Variants in CAD observed in about 807,000 individuals in gnomAD.
The protein encoded by CAD is multifunctional protein CAD.
A neutral mutation model predicts 237.2 loss-of-function variants in CAD; 81 were observed. The observed-to-expected ratio is 0.34, with a 90% CI of 0.29 to 0.41. CAD has a LOEUF of 0.41. CAD is among the 10% of genes least tolerant of loss of function. CAD has a pLI of 1.00. For synonymous variants in CAD, 1,196 were observed against 1,162.8 expected, an observed-to-expected ratio of 1.03 and a Z score of -0.58; for missense variants, 2,181 against 2,951.7, an observed-to-expected ratio of 0.74 and a Z score of 6.05.
In CAD at chr2:27,231,558, C is replaced by T. The variant is rs1675757527; in HGVS notation, c.2378C>T (p.Thr793Ile). The T allele has an allele frequency of 1.3e-5, 21 of 1,611,782 alleles. No homozygotes were observed. Among genetic ancestry groups the T allele is most frequent in the Admixed American group, 1.7e-5 (1 of 59,990 alleles). ...VDENCVGFDH[T>I]VKPVSDMELE... is the part of the protein sequence containing the mutation. ...GAGAACTGTGTGGGCTTTGATCACA[C>T]AGTGAAACCAGTCAGCGATATGGTA... The change falls in exon 16 of 44, where the codon ACA (threonine) becomes ATA (isoleucine). Residue 793 changes from threonine (T) to isoleucine (I), a missense_variant. Around this residue, in one of 12 missense-constraint regions of CAD, gnomAD observed 385 missense variants for 535.1 expected, o/e 0.72. Transcript: ENST00000264705.
rs768193579 is a variant in CAD at position 27,239,499 on chromosome 2, A to G, written c.5394+28A>G. ...ACGCAAGTAGCCCCTGCCTGATCTC[A>G]GTAGTGCCCTCTTCTGCACCACGTT... On this transcript the variant is annotated intron_variant, in intron 33 of 43. Coordinates refer to ENST00000264705, the MANE Select transcript of CAD (RefSeq NM_004341.5). The surrounding 1 kb of genome is among the most constrained non-coding windows in gnomAD (Gnocchi z 4.0). 2 of 1,608,454 alleles carry G rather than the reference A, an allele frequency of 1.2e-6. No homozygotes were observed. The highest frequency in any genetic ancestry group is 1.7e-6 in the Non-Finnish European group (2 of 1,176,174).
Position 27,235,379 on chromosome 2 carries a change from C to CT in CAD, c.3924dup (p.Lys1309Ter). The CT allele has an allele frequency of 6.2e-7, 1 of 1,613,600 alleles. No homozygotes were observed. Among genetic ancestry groups the CT allele is most frequent in the Non-Finnish European group, 8.5e-7 (1 of 1,179,748 alleles). On this transcript the variant is annotated frameshift_variant, in exon 24 of 44. Coordinates refer to ENST00000264705, the MANE Select transcript of CAD (RefSeq NM_004341.5). LOFTEE classifies it high-confidence loss of function. The surrounding 1 kb of genome is among the most constrained non-coding windows in gnomAD (Gnocchi z 5.2). ...ACCTCAAGGCCATGCTAAGCACTGGCTTTAAGATCCCCAAGAAGAATATCC... is the reference window on the plus strand; with the variant it reads ...ACCTCAAGGCCATGCTAAGCACTGGCTTTTAAGATCCCCAAGAAGAATATCC...
chr2:27,234,824 T>C, intron 23 of CAD, 139 bp downstream of exon 23: 2 of 819,128 alleles, frequency 2.4e-6, no homozygotes, highest in South Asian at 1.8e-5. Context: ...GTGGTCATTG[T>C]CCCTTAAGAG....
chr2:27,228,796 G>A (rs576983915), intron 15 of CAD, among the ~76,000 whole-genome samples: 1 of 152,046 alleles, frequency 6.6e-6, no homozygotes, highest in Admixed American at 6.5e-5. Context: ...CTCCCTGTTG[G>A]TCAGGCTGGT....
intron 15 of CAD, among the ~76,000 whole-genome samples, chr2:27,228,781 G>A (rs1675568160): frequency 1.3e-5 from 2 of 152,034 alleles, no homozygotes; most frequent in Admixed American, 1.3e-4. Context: ...ATAGAGACAG[G>A]GTTTCTCCCT....
chr2:27,222,704 G>C, intron 5 of CAD, 44 bp downstream of exon 5: 1 of 1,601,110 alleles, frequency 6.2e-7, no homozygotes, highest in East Asian at 2.2e-5. Flanking sequence ...AAGCAGCTTG[G>C]GTGGAAGATC....
In CAD at chr2:27,225,552, C is replaced by CCCA. The variant is rs200518617; in HGVS notation, c.1621-151_1621-150insACC. Reference sequence around the variant, plus strand: ...AACTCCTGACCTCAGGTGATCCACCCCCCCGACCCTCGGCCTCCCAAATTG... The same window carrying CCCA: ...AACTCCTGACCTCAGGTGATCCACCCCCACCCCGACCCTCGGCCTCCCAAATTG... On this transcript the variant is annotated intron_variant, in intron 11 of 43. Coordinates refer to ENST00000264705, the MANE Select transcript of CAD (RefSeq NM_004341.5). Among the ~76,000 whole-genome samples the CCCA allele has an allele frequency of 8.7e-5, 13 of 149,292 alleles. No homozygotes were observed. The East Asian group carries it at 2.2e-3, about 25-fold the overall frequency.
chr2:27,243,180 A>G lies in CAD; in HGVS notation c.6481-18A>G. On this transcript the variant is annotated intron_variant, in intron 42 of 43. Transcript: ENST00000264705. ...CTCCTACCCCAAGGCACTAATGGGG[A>G]CCCCATCTGCTTTGCAGTGCTTTGG... 6.2e-7 allele frequency: 1 copy of G among 1,613,004 alleles called. No homozygotes were observed. The highest frequency in any genetic ancestry group is 8.5e-7 in the Non-Finnish European group (1 of 1,179,206).
At chr2:27,228,429 G>A (rs191003139) in intron 15 of CAD, among the ~76,000 whole-genome samples, 302 of 152,294 alleles carry the variant, frequency 2.0e-3, no homozygotes, top group Admixed American at 4.0e-3. Context: ...ATCCAAAACA[G>A]AAAACATCAT....
At chr2:27,238,653 C>G in intron 31 of CAD, 21 bp downstream of exon 31, 1 of 1,588,548 alleles carries the variant, frequency 6.3e-7, no homozygotes, top group Non-Finnish European at 8.6e-7. Context: ...CCAGCATGTA[C>G]CTCCTCTGCC....
In CAD at chr2:27,240,903, G is replaced by T. The variant is rs1676284830; in HGVS notation, c.5594-8G>T. The T allele has an allele frequency of 6.2e-7, 1 of 1,614,068 alleles. No homozygotes were observed. On this transcript the variant is annotated splice_polypyrimidine_tract_variant and splice_region_variant and intron_variant, in intron 35 of 43. Coordinates refer to ENST00000264705, the MANE Select transcript of CAD (RefSeq NM_004341.5). The surrounding 1 kb of genome is among the most constrained non-coding windows in gnomAD (Gnocchi z 4.6). ...AAATGTATATCTGTCCTCTTGTCCT[G>T]TTTGCAGCTGAGGAGCCAAAGGAGA... is the stretch of plus-strand genomic sequence containing the variant.
chr2:27,238,337 A>C, intron 30 of CAD, 94 bp from the exon 31 acceptor site: 1 of 1,459,566 alleles, frequency 6.9e-7, no homozygotes, highest in East Asian at 2.3e-5. Flanking sequence ...GGTCTACATC[A>C]TCATTTTTTG....
Position 27,237,887 on chromosome 2 carries a change from G to A in CAD, c.4728+5G>A. ...AGCGTGGTCCAGTGGATGGAGGTAG[G>A]GAGTGTGCATGTGGCAGGAGGCCAC... On this transcript the variant is annotated splice_donor_5th_base_variant and intron_variant, in intron 29 of 43. Transcript: ENST00000264705. The surrounding 1 kb of genome is among the most constrained non-coding windows in gnomAD (Gnocchi z 4.0). 1.9e-6 allele frequency: 3 copies of A among 1,602,150 alleles called. No individual in the cohort carries two copies. Among genetic ancestry groups the A allele is most frequent in the Non-Finnish European group, 2.6e-6 (3 of 1,172,276 alleles).
chr2:27,237,949 G>C lies in CAD; in HGVS notation c.4728+67G>C. On this transcript the variant is annotated intron_variant, in intron 29 of 43. Transcript: ENST00000264705. The surrounding 1 kb of genome is among the most constrained non-coding windows in gnomAD (Gnocchi z 4.0). ...TCCTGGCTTGTGGGCCCCTGCCTAA[G>C]TGGGCTGGTAGCAGTGAGGATTCAG... 6.3e-7 allele frequency: 1 copy of C among 1,575,740 alleles called. No homozygotes were observed. Among genetic ancestry groups the C allele is most frequent in the African/African-American group, 1.3e-5 (1 of 74,278 alleles).
chr2:27,228,833 A>G (rs1250660292), intron 15 of CAD, among the ~76,000 whole-genome samples: 1 of 149,100 alleles, frequency 6.7e-6, no homozygotes, highest in Admixed American at 6.7e-5. Context: ...CAGGTGATCC[A>G]CCCACCTTTG....
rs1463382861 is a variant in CAD, at chr2:27,233,018, G to C, written c.2893-24G>C. ...GATTTTCCTCCCACCTGACTGCTAA[G>C]TACCCTTCCCCTCCCTCTTGCAGAT... On this transcript the variant is annotated intron_variant, in intron 18 of 43. Coordinates refer to ENST00000264705, the MANE Select transcript of CAD (RefSeq NM_004341.5). The surrounding 1 kb of genome is among the most constrained non-coding windows in gnomAD (Gnocchi z 6.3). 3 of 1,491,896 alleles carry C rather than the reference G, an allele frequency of 2.0e-6. No homozygotes were observed. The allele number at this position is 1,491,896 out of a possible 1,614,324, so 92.4% of individuals were successfully genotyped here.
chr2:27,226,155 C>A lies in CAD; in HGVS notation c.1867C>A (p.Pro623Thr). 6.2e-7 allele frequency: 1 copy of A among 1,614,098 alleles called. No homozygotes were observed. Among genetic ancestry groups the A allele is most frequent in the Admixed American group, 1.7e-5 (1 of 60,030 alleles). The change falls in exon 13 of 44, where the codon CCA (proline) becomes ACA (threonine). Residue 623 changes from proline (P) to threonine (T), a missense_variant. By Grantham distance (38) the Pro-to-Thr change is conservative. This residue lies in a region of CAD where 385 missense variants were observed against 535.1 expected (regional missense o/e 0.72). Transcript: ENST00000264705. ...GGTGTGTAACATGGAGAACTTGGAC[C>A]CACTGGGCATCCACACTGGTGAGTC... The part of the protein sequence containing the change: ...VTVCNMENLD[P>T]LGIHTGESIV...
chr2:27,231,578 A>G lies in CAD; in HGVS notation c.2398A>G (p.Met800Val), dbSNP rs1675758707. 6.3e-7 allele frequency: 1 copy of G among 1,595,768 alleles called. No homozygotes were observed. Among genetic ancestry groups the G allele is most frequent in the East Asian group, 2.2e-5 (1 of 44,814 alleles). Reference sequence around the variant, plus strand: ...TCACACAGTGAAACCAGTCAGCGATATGGTAAGTAGCTCCCCTCCCCTGGC... The same window carrying G: ...TCACACAGTGAAACCAGTCAGCGATGTGGTAAGTAGCTCCCCTCCCCTGGC... ...FDHTVKPVSD[M>V]ELETPTDKRI... Residue 800 changes from methionine to valine, a missense_variant and splice_region_variant, in exon 16 of 44, where the codon ATG becomes GTG. By Grantham distance (21) the Met-to-Val change is conservative. This residue lies in a region of CAD where 385 missense variants were observed against 535.1 expected (regional missense o/e 0.72). Coordinates refer to ENST00000264705, the MANE Select transcript of CAD (RefSeq NM_004341.5).
chr2:27,242,011 C>T lies in CAD; in HGVS notation c.5984C>T (p.Ser1995Leu), dbSNP rs983162590. 6.8e-6 allele frequency: 11 copies of T among 1,613,268 alleles called. No individual in the cohort carries two copies. Among genetic ancestry groups the T allele is most frequent in the South Asian group, 1.1e-5 (1 of 91,076 alleles). ...CTGGGAGGTGCTGTGCTCAGCTTCT[C>T]GGAAGCCACATCGTCCGTCCAGAAG... Reference protein sequence around the residue: ...ARLGGAVLSFSEATSSVQKGE... With the variant: ...ARLGGAVLSFLEATSSVQKGE... The change falls in exon 39 of 44, where the codon TCG becomes TTG. Residue 1995 changes from serine to leucine, a missense_variant. Transcript: ENST00000264705. The surrounding 1 kb of genome is among the most constrained non-coding windows in gnomAD (Gnocchi z 6.4).
Sources: gnomAD v4.1 joint callset for allele counts (sites outside exome capture counted in the v4.1 genomes callset) on GRCh38, gnomAD v4.1.1 for gene constraint, gnomAD v4.1.1 regional missense constraint, Gnocchi (gnomAD v3.1) non-coding constraint, MANE v1.5 for transcripts, NCBI Gene and HGNC (gene_info 2026-07-23, HGNC 2026-07-21) for gene names.